The following ZNF423 variants were observed in gnomAD, a reference collection of about 807,000 sequenced individuals.
ZNF423 encodes the protein zinc finger protein 423, also known as Ebf-associated zinc finger protein.
ZNF423 carries 12 observed loss-of-function variants against 95.8 expected under a neutral mutation model. The ratio of observed to expected loss-of-function variants is 0.13; its 90% CI spans 0.08 to 0.20. The LOEUF is 0.20. ZNF423 is among the 10% of genes least tolerant of loss of function. ZNF423 has a pLI of 1.00. For missense variants in ZNF423, 1,316 were observed against 1,737.1 expected (o/e 0.76, Z 4.31); for synonymous variants, 749 against 711.9 (o/e 1.05, Z -0.83).
intron 3 of ZNF423, among the ~76,000 whole-genome samples, chr16:49,658,756 C>T (rs1471266139): frequency 1.9e-4 from 29 of 152,234 alleles, no homozygotes; most frequent in South Asian, 4.1e-4. Context: ...GACTGGATTC[C>T]GGAGTGTGGG....
In ZNF423 at chr16:49,603,887, T is replaced by G. The variant is rs1191615298; in HGVS notation, c.3601+22283A>C. Among the ~76,000 whole-genome samples the G allele has an allele frequency of 6.6e-6, 1 of 152,164 alleles. No individual in the cohort carries two copies. The highest frequency in any genetic ancestry group is 2.4e-5 in the African/African-American group (1 of 41,432). The stretch of plus-strand genomic sequence containing the variant: ...TTCCTCATCCTCCAAGCAGTCCCCT[T>G]GTGGCTTGCCAGGAGCAGGGGTAGG... On this transcript the variant is annotated intron_variant, in intron 5 of 7. Transcript: ENST00000563137. This position sits in a 1 kb window ranked among gnomAD's most constrained non-coding sequence, Gnocchi z 4.1.
intron 7 of ZNF423, among the ~76,000 whole-genome samples, chr16:49,519,402 C>T (rs1222568862): frequency 6.6e-6 from 1 of 152,188 alleles, no homozygotes; most frequent in African/African-American, 2.4e-5. Context: ...CTGCCACCAG[C>T]AATGTGTGAA....
intron 5 of ZNF423, among the ~76,000 whole-genome samples, chr16:49,529,514 C>G (rs1436929622): frequency 6.6e-6 from 1 of 152,174 alleles, no homozygotes; most frequent in African/African-American, 2.4e-5. Flanking sequence ...CAGGCTGAAA[C>G]TGTGTCAGCC....
intron 7 of ZNF423, among the ~76,000 whole-genome samples, chr16:49,522,562 C>T (rs1968444759): frequency 6.6e-6 from 1 of 152,092 alleles, no homozygotes; most frequent in Non-Finnish European, 1.5e-5. Context: ...GCCTAACCTA[C>T]CCATATCCTT....
chr16:49,563,058 C>T (rs1254212883), intron 5 of ZNF423, among the ~76,000 whole-genome samples: 1 of 151,856 alleles, frequency 6.6e-6, no homozygotes, highest in Non-Finnish European at 1.5e-5. Flanking sequence ...GCTGGAATTA[C>T]AGGCATGAGC....
chr16:49,543,413 C>T (rs989971910), intron 5 of ZNF423, among the ~76,000 whole-genome samples: 1 of 152,270 alleles, frequency 6.6e-6, no homozygotes, highest in African/African-American at 2.4e-5. Context: ...ACAGCCCCCA[C>T]CCATCGACTG....
chr16:49,688,616 C>A (rs147548734), intron 3 of ZNF423, among the ~76,000 whole-genome samples: 1 of 152,316 alleles, frequency 6.6e-6, no homozygotes, highest in Non-Finnish European at 1.5e-5. Context: ...ACCAAAACAG[C>A]GGTACATTTC....
At chr16:49,564,536 T>C (rs1294269098) in intron 5 of ZNF423, among the ~76,000 whole-genome samples, 2 of 152,194 alleles carry the variant, frequency 1.3e-5, no homozygotes, top group Non-Finnish European at 2.9e-5. Flanking sequence ...AGCCCCCATG[T>C]TGTAGCCAGG....
intron 2 of ZNF423, among the ~76,000 whole-genome samples, chr16:49,756,347 A>G (rs1274308566): frequency 6.6e-6 from 1 of 152,240 alleles, no homozygotes; most frequent in African/African-American, 2.4e-5. Context: ...ACACACATAC[A>G]GACATTAAAA....
chr16:49,635,858 G>A lies in ZNF423; in HGVS notation c.3318C>T (p.Arg1106=), dbSNP rs1421628191. The A allele has an allele frequency of 1.9e-6, 3 of 1,593,364 alleles. No individual in the cohort carries two copies. Among genetic ancestry groups the A allele is most frequent in the Non-Finnish European group, 2.6e-6 (3 of 1,171,926 alleles). The change falls in exon 4 of 8, where the codon CGC becomes CGT. Residue 1106 remains arginine, a synonymous_variant. Coordinates refer to ENST00000563137, the MANE Select transcript of ZNF423 (RefSeq NM_001379286.1). This position sits in a 1 kb window ranked among gnomAD's most constrained non-coding sequence, Gnocchi z 4.8. The part of the protein sequence containing the change: ...PYGLCAGCMA[R]SANGQVGGLA... ...GGCCACCCACCTGTCCGTTGGCGCTGCGGGCCATGCAGCCGGCGCAGAGGC... is the reference window on the plus strand; with the variant it reads ...GGCCACCCACCTGTCCGTTGGCGCTACGGGCCATGCAGCCGGCGCAGAGGC...
chr16:49,637,848 T>C lies in ZNF423; in HGVS notation c.1328A>G (p.Asp443Gly). The C allele has an allele frequency of 6.2e-7, 1 of 1,614,142 alleles. No individual in the cohort carries two copies. The highest frequency in any genetic ancestry group is 8.5e-7 in the Non-Finnish European group (1 of 1,180,034). ...LEIHLKTIHA[D>G]KPQQSHTCQI... ...ACATGTGTGGCTCTGCTGGGGCTTG[T>C]CCGCGTGGATGGTCTTCAGGTGGAT... The change falls in exon 4 of 8, where the codon GAC becomes GGC. Residue 443 changes from aspartate (D) to glycine (G), a missense_variant. Asp to Gly is a moderately conservative substitution (Grantham distance 94). Coordinates refer to ENST00000563137, the MANE Select transcript of ZNF423 (RefSeq NM_001379286.1). The surrounding 1 kb of genome is among the most constrained non-coding windows in gnomAD (Gnocchi z 5.6).
intron 3 of ZNF423, chr16:49,711,191 G>T (rs1236536546): frequency 6.6e-6 from 1 of 152,166 alleles, no homozygotes; most frequent in Non-Finnish European, 1.5e-5. Flanking sequence ...GGTTACAGAG[G>T]CTGGGCCCAA....
At position 49,840,820 on chromosome 16, in the gene ZNF423, G is replaced by A. The variant is rs1292663196; in HGVS notation, c.40+14915C>T. On this transcript the variant is annotated intron_variant, in intron 1 of 7. Coordinates refer to ENST00000563137, the MANE Select transcript of ZNF423 (RefSeq NM_001379286.1). ...CACAGTCATGCATGCACACTTATGT[G>A]CACATACAGGCACACAGACTCACAC... 4.0e-5 allele frequency among the ~76,000 whole-genome samples: 6 copies of A among 151,892 alleles called. No individual in the cohort carries two copies. The East Asian group carries it at 1.2e-3, about 29-fold the overall frequency.
At position 49,735,260 on chromosome 16, in the gene ZNF423, C is replaced by T. The variant is rs112937821; in HGVS notation, c.101-4289G>A. ...TCCTGATCTCCAGCAGGAAGATTTC[C>T]GTTAAGTCTTCACACAGTTCCCAAA... is the stretch of plus-strand genomic sequence containing the variant. On this transcript the variant is annotated intron_variant, in intron 2 of 7. Coordinates refer to ENST00000563137, the MANE Select transcript of ZNF423 (RefSeq NM_001379286.1). 3.3e-5 allele frequency among the ~76,000 whole-genome samples: 5 copies of T among 152,220 alleles called. 1 individual carries two copies. The highest frequency in any genetic ancestry group is 9.6e-5 in the African/African-American group (4 of 41,536).
At chr16:49,539,687 G>A (rs1969183472) in intron 5 of ZNF423, among the ~76,000 whole-genome samples, 1 of 152,168 alleles carries the variant, frequency 6.6e-6, no homozygotes, top group Non-Finnish European at 1.5e-5. Context: ...TGGGGGGTGT[G>A]AGTGTAACAG....
At chr16:49,503,693 A>G (rs978863062) in intron 7 of ZNF423, among the ~76,000 whole-genome samples, 1 of 152,196 alleles carries the variant, frequency 6.6e-6, no homozygotes, top group African/African-American at 2.4e-5. Context: ...TTGTTGACGC[A>G]CCATGGCCAA....
chr16:49,502,448 A>G (rs943368718), intron 7 of ZNF423, among the ~76,000 whole-genome samples: 1 of 151,540 alleles, frequency 6.6e-6, no homozygotes, highest in African/African-American at 2.4e-5. Context: ...ACCAAGGAGC[A>G]TGTAAGGAGA....
chr16:49,492,440 C>T lies in ZNF423; in HGVS notation c.3850-1136G>A, dbSNP rs1257587019. 6.6e-6 allele frequency among the ~76,000 whole-genome samples: 1 copy of T among 152,150 alleles called. No individual in the cohort carries two copies. Among genetic ancestry groups the T allele is most frequent in the Non-Finnish European group, 1.5e-5 (1 of 68,002 alleles). On this transcript the variant is annotated intron_variant, in intron 7 of 7. Transcript: ENST00000563137. This position sits in a 1 kb window ranked among gnomAD's most constrained non-coding sequence, Gnocchi z 4.2. ...GGCTCGGGTCCGCGGCGAGGGCGACCAGGTGATGCCAGTAGCCTCGCCCGG... is the reference window on the plus strand; with the variant it reads ...GGCTCGGGTCCGCGGCGAGGGCGACTAGGTGATGCCAGTAGCCTCGCCCGG...
chr16:49,739,137 G>T (rs577741542), intron 2 of ZNF423, among the ~76,000 whole-genome samples: 17 of 152,236 alleles, frequency 1.1e-4, no homozygotes, highest in Non-Finnish European at 2.1e-4. Flanking sequence ...CCATGAACAA[G>T]TCACTTGCCC....
Sources: allele counts gnomAD v4.1 joint callset (sites outside exome capture counted in the v4.1 genomes callset), GRCh38; gene constraint gnomAD v4.1.1; non-coding constraint Gnocchi (gnomAD v3.1); transcripts MANE v1.5; gene names NCBI Gene and HGNC (gene_info 2026-07-23, HGNC 2026-07-21).